SDK1: variants seen among roughly 807,000 people sequenced by gnomAD.
The protein encoded by SDK1 is protein sidekick-1.
SDK1 carries 157 observed loss-of-function variants against 245.5 expected under a neutral mutation model. That is an observed-to-expected ratio of 0.64 (90% CI 0.56 to 0.73). The LOEUF is 0.73. Among genes scored for constraint, SDK1 ranks in the 30% least tolerant of loss-of-function variants. The pLI, the probability that SDK1 is intolerant of heterozygous loss-of-function variation, is 0.00. For missense variants in SDK1, 3,583 were observed against 3,002.3 expected, an observed-to-expected ratio of 1.19 and a Z score of -4.52; for synonymous variants, 1,647 against 1,278.5, an observed-to-expected ratio of 1.29 and a Z score of -6.15.
chr7:3,990,357 C>G (rs533023603), intron 14 of SDK1, among the ~76,000 whole-genome samples: 1 of 152,392 alleles, frequency 6.6e-6, no homozygotes, highest in South Asian at 2.1e-4. Context: ...CCACTCGGGC[C>G]TCTTTCCTCC....
intron 1 of SDK1, among the ~76,000 whole-genome samples, chr7:3,501,889 T>G (rs1391221164): frequency 6.6e-6 from 1 of 152,202 alleles, no homozygotes; most frequent in African/African-American, 2.4e-5. Context: ...TTACAGACAT[T>G]TGGAAATGTA....
chr7:3,737,680 C>A (rs1779357138), intron 4 of SDK1, among the ~76,000 whole-genome samples: 1 of 152,206 alleles, frequency 6.6e-6, no homozygotes, highest in Non-Finnish European at 1.5e-5. Context: ...GAGCCCCATC[C>A]TTCTTTGTTC....
At chr7:3,436,084 G>C (rs7802106) in intron 1 of SDK1, among the ~76,000 whole-genome samples, 2 of 152,190 alleles carry the variant, frequency 1.3e-5, no homozygotes, top group Middle Eastern at 3.4e-3. Context: ...GTTCAAAATA[G>C]GTTGTTTTAT....
intron 1 of SDK1, among the ~76,000 whole-genome samples, chr7:3,390,929 A>C (rs1412810554): frequency 6.6e-6 from 1 of 152,000 alleles, no homozygotes; most frequent in Non-Finnish European, 1.5e-5. Flanking sequence ...AAAATAGTGG[A>C]CTCTAACAAA....
intron 14 of SDK1, among the ~76,000 whole-genome samples, chr7:3,996,160 C>T (rs565195525): frequency 7.2e-5 from 11 of 152,230 alleles, no homozygotes; most frequent in African/African-American, 2.6e-4. Context: ...ATTAAATAAT[C>T]TATTTATTTA....
At position 3,512,019 on chromosome 7, in the gene SDK1, A is replaced by G. The variant is rs1466781091; in HGVS notation, c.299-107061A>G. Among the ~76,000 whole-genome samples, 4 of 151,548 alleles carry G rather than the reference A, an allele frequency of 2.6e-5. No homozygotes were observed. The East Asian group carries it at 5.8e-4, about 22-fold the overall frequency. ...TTAGAATTCACTCTTGATATTGTACATTCTCTGGGTGTGGGTGAATTTATG... is the reference window on the plus strand; with the variant it reads ...TTAGAATTCACTCTTGATATTGTACGTTCTCTGGGTGTGGGTGAATTTATG... On this transcript the variant is annotated intron_variant, in intron 1 of 44. Transcript: ENST00000404826.
At chr7:3,898,649 G>A (rs12533946) in intron 5 of SDK1, among the ~76,000 whole-genome samples, 40,612 of 152,000 alleles carry the variant, frequency 0.27, 7,064 homozygotes, top group African/African-American at 0.49. Flanking sequence ...AATTCTCACT[G>A]ATGAAAATGA....
chr7:3,889,927 G>A (rs145276302), intron 5 of SDK1, among the ~76,000 whole-genome samples: 1 of 152,282 alleles, frequency 6.6e-6, no homozygotes, highest in Non-Finnish European at 1.5e-5. Context: ...AACCTTCCAG[G>A]AAACTCCCCG....
chr7:4,144,343 G>A (rs372868985), intron 28 of SDK1, among the ~76,000 whole-genome samples: 1 of 152,184 alleles, frequency 6.6e-6, no homozygotes, highest in African/African-American at 2.4e-5. Flanking sequence ...GGCAGCGGCT[G>A]CGACAGCCAC....
intron 1 of SDK1, among the ~76,000 whole-genome samples, chr7:3,441,241 A>G (rs1214914413): frequency 6.6e-6 from 1 of 152,176 alleles, no homozygotes; most frequent in African/African-American, 2.4e-5. Flanking sequence ...AAACTGTATC[A>G]TAGGTAAATA....
At chr7:3,692,275 C>G (rs1236353299) in intron 4 of SDK1, among the ~76,000 whole-genome samples, 1 of 151,886 alleles carries the variant, frequency 6.6e-6, no homozygotes, top group Non-Finnish European at 1.5e-5. Context: ...AAAAAGTAAC[C>G]TAAGATATCC....
At chr7:3,762,834 A>G (rs1179602108) in intron 4 of SDK1, among the ~76,000 whole-genome samples, 1 of 152,250 alleles carries the variant, frequency 6.6e-6, no homozygotes, top group East Asian at 1.9e-4. Context: ...GTATGACAGT[A>G]TGAATATGTT....
intron 1 of SDK1, among the ~76,000 whole-genome samples, chr7:3,477,599 C>G (rs1583917512): frequency 6.6e-6 from 1 of 151,688 alleles, no homozygotes; most frequent in Non-Finnish European, 1.5e-5. Context: ...GCTGCAACCT[C>G]AAACTCTTGG....
intron 35 of SDK1, among the ~76,000 whole-genome samples, chr7:4,199,158 A>T (rs961670932): frequency 2.0e-5 from 3 of 152,132 alleles, no homozygotes; most frequent in Non-Finnish European, 4.4e-5. Flanking sequence ...CAACAGGTTG[A>T]ATTTTGTGTG....
intron 1 of SDK1, among the ~76,000 whole-genome samples, chr7:3,544,080 C>CT: frequency 6.6e-6 from 1 of 152,174 alleles, no homozygotes; most frequent in Non-Finnish European, 1.5e-5. Context: ...TTATCCTTGA[C>CT]TAAAGGCCTT....
intron 1 of SDK1, among the ~76,000 whole-genome samples, chr7:3,496,170 G>A (rs974032418): frequency 6.6e-6 from 1 of 152,104 alleles, no homozygotes; most frequent in Non-Finnish European, 1.5e-5. Context: ...TGTCACTGCT[G>A]CCTCCTCATT....
intron 5 of SDK1, among the ~76,000 whole-genome samples, chr7:3,903,457 T>C (rs549966027): frequency 3.5e-4 from 53 of 152,266 alleles, no homozygotes; most frequent in African/African-American, 1.2e-3. Context: ...ACAGTTTTTT[T>C]CTTAATGGAA....
chr7:3,719,108 C>T (rs1267154507), intron 4 of SDK1, among the ~76,000 whole-genome samples: 2 of 152,112 alleles, frequency 1.3e-5, no homozygotes, highest in African/African-American at 4.8e-5. Context: ...TATAGGTATA[C>T]CCAAGTCTGT....
At position 4,173,374 on chromosome 7, in the gene SDK1, G is replaced by T. The variant is rs114944987; in HGVS notation, c.4801-848G>T. 7.7e-3 allele frequency among the ~76,000 whole-genome samples: 1,172 copies of T among 152,238 alleles called. 16 individuals carry two copies. The highest frequency in any genetic ancestry group is 0.026 in the African/African-American group (1,093 of 41,546). Reference sequence around the variant, plus strand: ...CTGCGTGGAAACATCCTCCCCAAATGTACTTATAAACAGAAACCGACTGAA... The same window carrying T: ...CTGCGTGGAAACATCCTCCCCAAATTTACTTATAAACAGAAACCGACTGAA... On this transcript the variant is annotated intron_variant, in intron 32 of 44. Coordinates refer to ENST00000404826, the MANE Select transcript of SDK1 (RefSeq NM_152744.4).
Sources: gnomAD v4.1 joint callset for allele counts (sites outside exome capture counted in the v4.1 genomes callset) on GRCh38, gnomAD v4.1.1 for gene constraint, MANE v1.5 for transcripts, NCBI Gene and HGNC (gene_info 2026-07-23, HGNC 2026-07-21) for gene names.